Variants in DCC observed in about 807,000 individuals in gnomAD.
DCC encodes the protein netrin receptor DCC.
DCC carries 58 observed loss-of-function variants against 172.5 expected under a neutral mutation model. The ratio of observed to expected loss-of-function variants is 0.34; its 90% CI spans 0.27 to 0.42. The LOEUF is 0.42. DCC is among the 10% of genes least tolerant of loss of function. The pLI is 1.00. For missense variants in DCC, 1,740 were observed against 1,791.0 expected, an observed-to-expected ratio of 0.97 and a Z score of 0.51; for synonymous variants, 709 against 644.5, an observed-to-expected ratio of 1.10 and a Z score of -1.52.
At chr18:52,598,350 G>A (rs2033948829) in intron 1 of DCC, among the ~76,000 whole-genome samples, 1 of 152,200 alleles carries the variant, frequency 6.6e-6, no homozygotes, top group Non-Finnish European at 1.5e-5. Context: ...GGGGTTTTCT[G>A]ATGTAAGTGA....
intron 21 of DCC, among the ~76,000 whole-genome samples, chr18:53,423,031 G>C (rs959166253): frequency 1.3e-5 from 2 of 152,054 alleles, no homozygotes; most frequent in African/African-American, 4.8e-5. Context: ...CATGTTCCCA[G>C]CAAGCAGTCA....
chr18:53,223,595 G>A (rs141852077), intron 12 of DCC, among the ~76,000 whole-genome samples: 55 of 152,230 alleles, frequency 3.6e-4, no homozygotes, highest in African/African-American at 1.2e-3. Flanking sequence ...GTTCATGGAA[G>A]TTGCCCTTAT....
chr18:52,795,706 T>A (rs560343481), intron 2 of DCC, among the ~76,000 whole-genome samples: 1 of 152,060 alleles, frequency 6.6e-6, no homozygotes, highest in Non-Finnish European at 1.5e-5. Flanking sequence ...ATTTGAAATC[T>A]GTCCACTTTT....
intron 2 of DCC, among the ~76,000 whole-genome samples, chr18:52,858,205 C>T (rs974594255): frequency 2.6e-4 from 40 of 152,130 alleles, no homozygotes; most frequent in African/African-American, 9.2e-4. Flanking sequence ...GCTAGCACGC[C>T]CATTTTACAG....
At chr18:52,728,788 G>A (rs1044911531) in intron 1 of DCC, among the ~76,000 whole-genome samples, 2 of 152,224 alleles carry the variant, frequency 1.3e-5, no homozygotes, top group African/African-American at 4.8e-5. Context: ...ATAGCCAATA[G>A]TTGACAGTGC....
chr18:52,966,080 T>G (rs1385891108), intron 5 of DCC, among the ~76,000 whole-genome samples: 1 of 152,178 alleles, frequency 6.6e-6, no homozygotes, highest in Non-Finnish European at 1.5e-5. Flanking sequence ...GATAGACTGC[T>G]AGGAATTCTT....
chr18:53,336,332 T>C (rs1025281899), intron 14 of DCC, among the ~76,000 whole-genome samples: 1 of 152,166 alleles, frequency 6.6e-6, no homozygotes, highest in Non-Finnish European at 1.5e-5. Flanking sequence ...TCCTAATCCA[T>C]AAGGTCATCT....
chr18:53,343,978 T>A (rs1200093275), intron 15 of DCC, among the ~76,000 whole-genome samples: 2 of 152,022 alleles, frequency 1.3e-5, no homozygotes, highest in Middle Eastern at 3.2e-3. Context: ...ATTAACTGAT[T>A]TTTCATTTCT....
At position 53,305,686 on chromosome 18, in the gene DCC, C is replaced by T. The variant is rs781368572; in HGVS notation, c.2020C>T (p.Leu674=). ...KTTRRGEMET[L]EPNNLWYLFT... ...GACCCGCAGGGGTGAGATGGAAACA[C>T]TGGAGCCAAACAACCTCTGGTACCT... The change falls in exon 13 of 29, where the codon CTG becomes TTG. Residue 674 remains leucine, a synonymous_variant. Coordinates refer to ENST00000442544, the MANE Select transcript of DCC (RefSeq NM_005215.4). 4 of 1,613,856 alleles carry T rather than the reference C, an allele frequency of 2.5e-6. No homozygotes were observed. Among genetic ancestry groups the T allele is most frequent in the Non-Finnish European group, 3.4e-6 (4 of 1,179,938 alleles).
chr18:53,177,795 C>A (rs866320911), intron 8 of DCC, among the ~76,000 whole-genome samples: 1 of 152,116 alleles, frequency 6.6e-6, no homozygotes, highest in African/African-American at 2.4e-5. Context: ...CCGGAAAATA[C>A]GGTCTAGTAC....
chr18:52,746,139 T>G (rs986288595), intron 1 of DCC, among the ~76,000 whole-genome samples: 27 of 152,226 alleles, frequency 1.8e-4, no homozygotes, highest in Non-Finnish European at 3.7e-4. Flanking sequence ...AGAATTATTT[T>G]TATTTCCTTC....
intron 22 of DCC, among the ~76,000 whole-genome samples, chr18:53,449,237 T>C (rs1242851787): frequency 6.6e-6 from 1 of 152,242 alleles, no homozygotes; most frequent in Non-Finnish European, 1.5e-5. Context: ...ATGTTTAATT[T>C]TTAAGAAATG....
chr18:53,349,914 G>A (rs1599050818), intron 15 of DCC, among the ~76,000 whole-genome samples: 3 of 152,292 alleles, frequency 2.0e-5, no homozygotes, highest in East Asian at 3.9e-4. Flanking sequence ...GAATTTTAAA[G>A]CAATCTTCTC....
intron 1 of DCC, among the ~76,000 whole-genome samples, chr18:52,599,012 C>T (rs77457630): frequency 0.011 from 1,714 of 152,238 alleles, 15 homozygotes; most frequent in South Asian, 0.027. Flanking sequence ...CTCATCACCT[C>T]TTAAAGGCTA....
At chr18:53,228,219 C>A (rs940757627) in intron 12 of DCC, among the ~76,000 whole-genome samples, 1 of 150,140 alleles carries the variant, frequency 6.7e-6, no homozygotes, top group Non-Finnish European at 1.5e-5. Flanking sequence ...TTGATGAAAT[C>A]AAATATAATG....
intron 2 of DCC, among the ~76,000 whole-genome samples, chr18:52,757,482 C>G (rs2037094353): frequency 6.6e-6 from 1 of 152,144 alleles, no homozygotes; most frequent in Non-Finnish European, 1.5e-5. Context: ...CCCCTGTCCA[C>G]CCTTCCCCAC....
chr18:53,309,711 G>A (rs1398846972), intron 13 of DCC, among the ~76,000 whole-genome samples: 1 of 151,962 alleles, frequency 6.6e-6, no homozygotes, highest in Non-Finnish European at 1.5e-5. Context: ...AGCAAAGTGA[G>A]ATGAATTAAT....
intron 2 of DCC, among the ~76,000 whole-genome samples, chr18:52,825,809 T>C (rs189988423): frequency 2.3e-4 from 35 of 152,346 alleles, no homozygotes; most frequent in African/African-American, 6.7e-4. Flanking sequence ...ATGTCTCAGA[T>C]AAAAGTTGCG....
chr18:52,946,428 T>C (rs2040546433), intron 5 of DCC, among the ~76,000 whole-genome samples: 1 of 152,210 alleles, frequency 6.6e-6, no homozygotes, highest in African/African-American at 2.4e-5. Flanking sequence ...GCAATAATAC[T>C]GTCTAACACA....
Sources: gnomAD v4.1 joint callset for allele counts (sites outside exome capture counted in the v4.1 genomes callset) on GRCh38, gnomAD v4.1.1 for gene constraint, MANE v1.5 for transcripts, NCBI Gene and HGNC (gene_info 2026-07-23, HGNC 2026-07-21) for gene names.